Variants in C5 observed in about 807,000 individuals in gnomAD.
C5 encodes C3 and PZP-like alpha-2-macroglobulin domain-containing protein 4.
In C5, 140 loss-of-function variants were observed where a neutral mutation model predicts 218.8. That is an observed-to-expected ratio of 0.64 (90% CI 0.56 to 0.74). C5 has a LOEUF of 0.74. Among genes scored for constraint, C5 ranks in the 30% least tolerant of loss-of-function variants. The pLI is 0.00. For missense variants in C5, 1,700 were observed against 1,969.6 expected (o/e 0.86, Z 2.59); for synonymous variants, 614 against 682.3 (o/e 0.90, Z 1.56).
intron 28 of C5, among the ~76,000 whole-genome samples, chr9:120,978,965 C>T (rs768613483): frequency 1.8e-4 from 28 of 152,282 alleles, no homozygotes; most frequent in South Asian, 8.3e-4. Context: ...GGGTATGTGG[C>T]CGGGGGAGTG....
chr9:121,000,086 T>C lies in C5; in HGVS notation c.2563-2312A>G, dbSNP rs530333170. ...AAAAAAAAAAAATGCTGTCAAGTTA[T>C]ATATAATTGTGTTATTGCAAAGGAC... On this transcript the variant is annotated intron_variant, in intron 20 of 40. Coordinates refer to ENST00000223642, the MANE Select transcript of C5 (RefSeq NM_001735.3). The C allele has an allele frequency of 6.5e-5, 17 of 263,374 alleles. 1 individual carries two copies. Among genetic ancestry groups the C allele is most frequent in the South Asian group, 5.7e-4 (17 of 29,836 alleles). 16.3% of individuals were successfully genotyped at this position (263,374 alleles called of 1,614,324 possible).
intron 39 of C5, among the ~76,000 whole-genome samples, chr9:120,956,066 C>A (rs62578411): frequency 6.6e-6 from 1 of 151,476 alleles, no homozygotes; most frequent in Non-Finnish European, 1.5e-5. Context: ...GAGGCTGAGG[C>A]GAGTGGATCA....
rs1422994810 is a variant in C5, at chr9:120,957,307, G to T, written c.4740C>A (p.Thr1580=). 6.2e-6 allele frequency: 10 copies of T among 1,611,418 alleles called. No individual in the cohort carries two copies. Among genetic ancestry groups the T allele is most frequent in the African/African-American group, 1.3e-5 (1 of 74,862 alleles). The change falls in exon 39 of 41, where the codon ACC becomes ACA. Residue 1580 remains threonine (T), a synonymous_variant. Coordinates refer to ENST00000223642, the MANE Select transcript of C5 (RefSeq NM_001735.3). ...CACCAGTTTTGTAGATATCCAGAAG[G>T]GTTGCCTTGTACTTGACAAAAACAT... The part of the protein sequence containing the change: ...VENVFVKYKA[T]LLDIYKTGEA...
upstream of C5, among the ~76,000 whole-genome samples, chr9:121,050,822 C>CTA (rs2131831267): frequency 6.6e-6 from 1 of 152,226 alleles, no homozygotes; most frequent in African/African-American, 2.4e-5. Context: ...CTGTCTCAGT[C>CTA]TAGAGAACAC....
chr9:121,009,261 GA>G (rs2047241983), intron 17 of C5, among the ~76,000 whole-genome samples: 2 of 152,292 alleles, frequency 1.3e-5, no homozygotes, highest in South Asian at 4.1e-4. Context: ...AACAAAACAT[GA>G]TATGCAAAAT....
At chr9:120,954,097 T>C (rs2046767956) in intron 39 of C5, among the ~76,000 whole-genome samples, 1 of 152,202 alleles carries the variant, frequency 6.6e-6, no homozygotes, top group South Asian at 2.1e-4. Context: ...TTATGTTATC[T>C]GTATAAGGCC....
intron 3 of C5, among the ~76,000 whole-genome samples, chr9:121,039,859 G>A (rs1310299956): frequency 1.3e-5 from 2 of 151,954 alleles, no homozygotes; most frequent in Non-Finnish European, 1.5e-5. Flanking sequence ...GGATGGTCTC[G>A]ATCTCCTGAC....
chr9:120,983,003 G>C (rs1016069319), intron 25 of C5, among the ~76,000 whole-genome samples, 189 bp from the exon 26 acceptor site: 1 of 152,138 alleles, frequency 6.6e-6, no homozygotes, highest in African/African-American at 2.4e-5. Flanking sequence ...AAACAAATGT[G>C]AACAGCACAT....
At chr9:121,010,849 A>G (rs2047255799) in intron 17 of C5, among the ~76,000 whole-genome samples, 1 of 152,182 alleles carries the variant, frequency 6.6e-6, no homozygotes, top group South Asian at 2.1e-4. Flanking sequence ...CGCATTTTTG[A>G]CAAAGGTGCC....
chr9:121,048,862 G>C (rs12001993), intron 1 of C5, among the ~76,000 whole-genome samples: 3,819 of 152,258 alleles, frequency 0.025, 158 homozygotes, highest in African/African-American at 0.087. Context: ...TTCAGGCTCT[G>C]TTTGAGTGCA....
At position 121,016,394 on chromosome 9, in the gene C5, A is replaced by G. The variant is rs781583724; in HGVS notation, c.1867-11T>C. The G allele has an allele frequency of 3.1e-6, 5 of 1,613,846 alleles. No homozygotes were observed. The highest frequency in any genetic ancestry group is 2.2e-5 in the East Asian group (1 of 44,894). ...TAAGAATTGAAATACCTGTCCAGAA[A>G]GGCAAAATGTTGAGCACATTGAGAT... On this transcript the variant is annotated splice_polypyrimidine_tract_variant and intron_variant, in intron 14 of 40. Coordinates refer to ENST00000223642, the MANE Select transcript of C5 (RefSeq NM_001735.3).
chr9:120,957,158 A>C, intron 39 of C5, 127 bp downstream of exon 39: 1 of 722,110 alleles, frequency 1.4e-6, no homozygotes, highest in African/African-American at 1.7e-5. Flanking sequence ...AGTAGAATAT[A>C]AGCTTTAAAA....
intron 3 of C5, among the ~76,000 whole-genome samples, chr9:121,038,884 C>T (rs2047552981): frequency 6.6e-6 from 1 of 152,208 alleles, no homozygotes; most frequent in South Asian, 2.1e-4. Flanking sequence ...TCTGCTCTCT[C>T]CTTCCCCTCA....
intron 5 of C5, among the ~76,000 whole-genome samples, chr9:121,033,514 C>G (rs377696087): frequency 6.6e-6 from 1 of 152,156 alleles, no homozygotes; most frequent in South Asian, 2.1e-4. Flanking sequence ...TGCAAAGGCA[C>G]GGAGGTAGGA....
chr9:120,986,593 T>A (rs1475356158), intron 25 of C5, among the ~76,000 whole-genome samples: 1 of 144,080 alleles, frequency 6.9e-6, no homozygotes, highest in East Asian at 1.9e-4. Flanking sequence ...AGGCTCTGAG[T>A]GTTTACTGAG....
At chr9:121,017,595 C>G (rs377671804) in intron 13 of C5, 48 bp downstream of exon 13, 1 of 1,602,590 alleles carries the variant, frequency 6.2e-7, no homozygotes, top group Non-Finnish European at 8.5e-7. Flanking sequence ...TTGGCAGCCT[C>G]CTTCATTGAA....
Position 121,041,297 on chromosome 9 carries a change from C to CTTTTTTTTTTTTTTT in C5, c.421+1692_421+1706dup, listed in dbSNP as rs386416117. Among the ~76,000 whole-genome samples the CTTTTTTTTTTTTTTT allele has an allele frequency of 9.6e-5, 7 of 72,678 alleles. 1 individual carries two copies. Among genetic ancestry groups the CTTTTTTTTTTTTTTT allele is most frequent in the African/African-American group, 1.6e-4 (3 of 18,240 alleles). The allele number at this position is 72,678 out of a possible 152,430, so 47.7% of individuals were successfully genotyped here. A position where few individuals can be genotyped will look rare whatever the true frequency, so the allele number is the denominator to read the frequency against. On this transcript the variant is annotated intron_variant, in intron 3 of 40. Transcript: ENST00000223642. Reference sequence around the variant, plus strand: ...CTGATAGAGAAATAATACATGAAGCCTTTTTTTTTTTTTTTTTTTTTTGCT... The same window carrying CTTTTTTTTTTTTTTT: ...CTGATAGAGAAATAATACATGAAGCCTTTTTTTTTTTTTTTTTTTTTTTTTTTTTTTTTTTTTGCT...
chr9:121,058,550 T>C, the C5 span, among the ~76,000 whole-genome samples: 1 of 152,194 alleles, frequency 6.6e-6, no homozygotes, highest in African/African-American at 2.4e-5. Context: ...GTGATTCTCA[T>C]GCCTCAGCCT....
chr9:121,047,479 G>A (rs1322939394), intron 1 of C5, among the ~76,000 whole-genome samples: 3 of 152,040 alleles, frequency 2.0e-5, no homozygotes, highest in Admixed American at 1.3e-4. Flanking sequence ...TTTGAATAGC[G>A]AGAACTACAT....
Sources: gnomAD v4.1 joint callset for allele counts (sites outside exome capture counted in the v4.1 genomes callset) on GRCh38, gnomAD v4.1.1 for gene constraint, MANE v1.5 for transcripts, NCBI Gene and HGNC (gene_info 2026-07-23, HGNC 2026-07-21) for gene names.